Variants in VSNL1 observed in about 807,000 individuals in gnomAD.
VSNL1 encodes the protein visinin like 1, also known as visinin-like protein 1.
Under a neutral mutation model 20.4 loss-of-function variants are expected in VSNL1, and 6 were observed. The ratio of observed to expected loss-of-function variants is 0.29; its 90% confidence interval spans 0.16 to 0.58. The LOEUF is 0.58. Ranked by LOEUF, VSNL1 falls within the 20% of genes least tolerant of loss-of-function variation. The pLI is 0.90. For synonymous variants in VSNL1, 93 were observed against 86.4 expected (o/e 1.08, Z -0.42); for missense variants, 100 against 234.5 (o/e 0.43, Z 3.75).
intron 2 of VSNL1, among the ~76,000 whole-genome samples, chr2:17,612,330 GC>G (rs1002084199): frequency 6.6e-6 from 1 of 152,190 alleles, no homozygotes; most frequent in Non-Finnish European, 1.5e-5. Context: ...TGAGCAGGGA[GC>G]CCCCCTCCCT....
chr2:17,560,474 A>T (rs1368965937), intron 1 of VSNL1, among the ~76,000 whole-genome samples: 1 of 152,122 alleles, frequency 6.6e-6, no homozygotes, highest in Non-Finnish European at 1.5e-5. Flanking sequence ...TTGTTATAAG[A>T]TTTTATGAAT....
At chr2:17,639,630 C>T (rs1558308971) in intron 2 of VSNL1, among the ~76,000 whole-genome samples, 1 of 152,208 alleles carries the variant, frequency 6.6e-6, no homozygotes, top group Non-Finnish European at 1.5e-5. Flanking sequence ...ATTATTGGCT[C>T]ATACACAGAA....
chr2:17,624,805 G>A (rs1048266628), intron 2 of VSNL1, among the ~76,000 whole-genome samples: 4 of 152,200 alleles, frequency 2.6e-5, no homozygotes, highest in African/African-American at 9.7e-5. Flanking sequence ...AGAACTATAA[G>A]ATAATGAATG....
chr2:17,574,359 G>A (rs1047333189), intron 1 of VSNL1, among the ~76,000 whole-genome samples: 5 of 152,178 alleles, frequency 3.3e-5, no homozygotes, highest in African/African-American at 4.8e-5. Flanking sequence ...GACCCACTGT[G>A]TTCTTTCACA....
intron 2 of VSNL1, among the ~76,000 whole-genome samples, chr2:17,617,005 T>C (rs1665233265): frequency 6.6e-5 from 10 of 152,232 alleles, no homozygotes. Flanking sequence ...GTGAAAAATC[T>C]GGTTGTCACT....
intron 2 of VSNL1, among the ~76,000 whole-genome samples, chr2:17,613,652 G>A (rs1396638164): frequency 6.6e-6 from 1 of 152,168 alleles, no homozygotes; most frequent in Admixed American, 6.5e-5. Flanking sequence ...ATTACGCCCA[G>A]ATTTCTTCCT....
At chr2:17,618,019 C>T (rs558778338) in intron 2 of VSNL1, among the ~76,000 whole-genome samples, 20 of 152,154 alleles carry the variant, frequency 1.3e-4, no homozygotes, top group Middle Eastern at 6.8e-3. Context: ...AGCAGCAGTA[C>T]CCGGGGAAAG....
In VSNL1 at chr2:17,553,651, G is replaced by C. The variant is rs543148111; in HGVS notation, c.-6+12733G>C. Reference sequence around the variant, plus strand: ...AACATGGGAAAATGGAAAAATAATGGACTATATGTCAGAACCAAATTTGAA... The same window carrying C: ...AACATGGGAAAATGGAAAAATAATGCACTATATGTCAGAACCAAATTTGAA... On this transcript the variant is annotated intron_variant, in intron 1 of 3. Coordinates refer to ENST00000295156, the MANE Select transcript of VSNL1 (RefSeq NM_003385.5). 3.9e-5 allele frequency among the ~76,000 whole-genome samples: 6 copies of C among 152,272 alleles called. No homozygotes were observed. In the South Asian group the frequency reaches 1.0e-3, roughly 26 times the overall value.
rs143418784 is a variant in VSNL1, at chr2:17,591,238, G to T, written c.-5-832G>T. On this transcript the variant is annotated intron_variant, in intron 1 of 3. Transcript: ENST00000295156. ...GCCCTAAGTAACACATGTAGTAATT[G>T]GCCAAATCAGGAAGAAAAATCAGGA... 9.7e-4 allele frequency among the ~76,000 whole-genome samples: 147 copies of T among 152,094 alleles called. 1 individual carries two copies. The highest frequency in any genetic ancestry group is 3.4e-3 in the African/African-American group (141 of 41,484).
At chr2:17,629,587 A>T (rs1011891485) in intron 2 of VSNL1, among the ~76,000 whole-genome samples, 8 of 152,184 alleles carry the variant, frequency 5.3e-5, no homozygotes, top group African/African-American at 1.9e-4. Flanking sequence ...GCCACTGGTG[A>T]TGCAGAATTT....
chr2:17,632,467 A>AT lies in VSNL1; in HGVS notation c.163-16938dup, dbSNP rs1371507325. On this transcript the variant is annotated intron_variant, in intron 2 of 3. Coordinates refer to ENST00000295156, the MANE Select transcript of VSNL1 (RefSeq NM_003385.5). ...AGGCATGCATCACCACACCCAGCTA[A>AT]TTTTTGTATTTTTAGTAGAGATGGA... is the stretch of plus-strand genomic sequence containing the variant. Among the ~76,000 whole-genome samples the AT allele has an allele frequency of 2.0e-5, 3 of 151,836 alleles. No homozygotes were observed. In the South Asian group the frequency reaches 6.3e-4, roughly 32 times the overall value.
chr2:17,556,284 A>G (rs1245963180), intron 1 of VSNL1, among the ~76,000 whole-genome samples: 3 of 152,228 alleles, frequency 2.0e-5, no homozygotes, highest in Non-Finnish European at 4.4e-5. Context: ...ATCAGTTATT[A>G]TAAGAACCAT....
rs1461841132 is a variant in VSNL1 at position 17,649,490 on chromosome 2, C to T, written c.243C>T (p.Asp81=). The change falls in exon 3 of 4, where the codon GAC becomes GAT. Residue 81 remains aspartate (D), a synonymous_variant. Coordinates refer to ENST00000295156, the MANE Select transcript of VSNL1 (RefSeq NM_003385.5). The surrounding 1 kb of genome is among the most constrained non-coding windows in gnomAD (Gnocchi z 6.4). ...ACAAGAATGGGGACGGCACCATTGA[C>T]TTCCGAGAGTTCATCTGCGCTCTGT... The part of the protein sequence containing the change: ...TFDKNGDGTI[D]FREFICALSI... 1 of 1,614,220 alleles carries T rather than the reference C, an allele frequency of 6.2e-7. No individual in the cohort carries two copies.
rs1307990245 is a variant in VSNL1 at position 17,656,874 on chromosome 2, T to C, written c.*1480T>C. 1 of 152,238 alleles carries C rather than the reference T, an allele frequency of 6.6e-6. No homozygotes were observed. Among genetic ancestry groups the C allele is most frequent in the African/African-American group, 2.4e-5 (1 of 41,452 alleles). 9.4% of individuals were successfully genotyped at this position (152,238 alleles called of 1,614,324 possible). A position where few individuals can be genotyped will look rare whatever the true frequency, so the allele number is the denominator to read the frequency against. On this transcript the variant is annotated 3_prime_UTR_variant, in exon 4 of 4. Transcript: ENST00000295156. ...CTGTAATTAAGTGTAATTTGCCACA[T>C]ATAGCTAGTGGCTTTAGTAACAGAC...
chr2:17,573,315 A>T (rs1664124885), intron 1 of VSNL1, among the ~76,000 whole-genome samples: 1 of 152,172 alleles, frequency 6.6e-6, no homozygotes, highest in African/African-American at 2.4e-5. Flanking sequence ...AAGAACTGGG[A>T]CTTTCTCTTC....
chr2:17,552,061 G>A (rs549375215), intron 1 of VSNL1, among the ~76,000 whole-genome samples: 21 of 151,772 alleles, frequency 1.4e-4, no homozygotes, highest in African/African-American at 2.7e-4. Flanking sequence ...TTAGCAGGGC[G>A]TGGTGGCGGG....
Position 17,556,152 on chromosome 2 carries a change from G to T in VSNL1, c.-6+15234G>T, listed in dbSNP as rs575340147. Among the ~76,000 whole-genome samples the T allele has an allele frequency of 8.5e-5, 13 of 152,218 alleles. 1 individual carries two copies. In the South Asian group the frequency reaches 2.7e-3, roughly 32 times the overall value. Reference sequence around the variant, plus strand: ...GTTTTACACCCCAGAACTAAAAGAAGAACTCTTGGACCCTGACTTTTACTT... The same window carrying T: ...GTTTTACACCCCAGAACTAAAAGAATAACTCTTGGACCCTGACTTTTACTT... On this transcript the variant is annotated intron_variant, in intron 1 of 3. Transcript: ENST00000295156.
At chr2:17,643,462 T>A (rs2103424163) in intron 2 of VSNL1, among the ~76,000 whole-genome samples, 1 of 152,278 alleles carries the variant, frequency 6.6e-6, no homozygotes, top group South Asian at 2.1e-4. Flanking sequence ...TCAACCCTTC[T>A]ACTGGTCAGT....
intron 1 of VSNL1, among the ~76,000 whole-genome samples, chr2:17,545,336 T>G (rs1572322337): frequency 6.6e-6 from 1 of 152,140 alleles, no homozygotes; most frequent in African/African-American, 2.4e-5. Flanking sequence ...TTATGATTTA[T>G]TTTTTGTAAA....
Sources: gnomAD v4.1 joint callset for allele counts (sites outside exome capture counted in the v4.1 genomes callset) on GRCh38, gnomAD v4.1.1 for gene constraint, Gnocchi (gnomAD v3.1) non-coding constraint, MANE v1.5 for transcripts, NCBI Gene and HGNC (gene_info 2026-07-23, HGNC 2026-07-21) for gene names.